The following MMP16 variants were observed in gnomAD, a reference collection of about 807,000 sequenced individuals.
The protein encoded by MMP16 is matrix metalloproteinase-16.
A neutral mutation model predicts 67.8 loss-of-function variants in MMP16; 12 were observed. The ratio of observed to expected loss-of-function variants is 0.18; its 90% CI spans 0.11 to 0.29. The LOEUF is 0.29. MMP16 is among the 10% of genes least tolerant of loss of function. The pLI is 1.00. For synonymous variants in MMP16, 249 were observed against 255.9 expected (o/e 0.97, Z 0.26); for missense variants, 475 against 765.7 (o/e 0.62, Z 4.48).
chr8:88,168,045 A>C, intron 3 of MMP16, 72 bp from the exon 4 acceptor site: 3 of 1,147,918 alleles, frequency 2.6e-6, no homozygotes, highest in Non-Finnish European at 1.2e-6. Flanking sequence ...TGATCGATTC[A>C]GTTAAGTAAA....
At chr8:88,303,182 C>T (rs548647497) in intron 1 of MMP16, among the ~76,000 whole-genome samples, 68 of 152,282 alleles carry the variant, frequency 4.5e-4, no homozygotes, top group Non-Finnish European at 7.9e-4. Flanking sequence ...TACATACACC[C>T]GGGGGCGGGG....
rs1809153258 is a variant in MMP16 at position 88,190,472 on chromosome 8, G to A, written c.282-3874C>T. Among the ~76,000 whole-genome samples, 3 of 152,220 alleles carry A rather than the reference G, an allele frequency of 2.0e-5. No homozygotes were observed. In the South Asian group the frequency reaches 6.2e-4, roughly 32 times the overall value. ...TATAAAGAATGCTCAGTGTTTAACAGGACTCATCAATGCATGAAATGTTGT... is the reference window on the plus strand; with the variant it reads ...TATAAAGAATGCTCAGTGTTTAACAAGACTCATCAATGCATGAAATGTTGT... On this transcript the variant is annotated intron_variant, in intron 2 of 9. Coordinates refer to ENST00000286614, the MANE Select transcript of MMP16 (RefSeq NM_005941.5).
chr8:88,248,479 A>G (rs1271439040), intron 1 of MMP16, among the ~76,000 whole-genome samples: 1 of 152,116 alleles, frequency 6.6e-6, no homozygotes, highest in Non-Finnish European at 1.5e-5. Flanking sequence ...AAAGTTTAAG[A>G]GATGTAGAGG....
At chr8:88,241,510 G>A (rs1810033991) in intron 1 of MMP16, among the ~76,000 whole-genome samples, 1 of 151,900 alleles carries the variant, frequency 6.6e-6, no homozygotes, top group African/African-American at 2.4e-5. Flanking sequence ...TGGTAAAAAA[G>A]GGAAGAAAAG....
Position 88,037,312 on chromosome 8 carries a change from T to C in MMP16, c.*4149A>G, listed in dbSNP as rs1459298986. 6.6e-6 allele frequency: 1 copy of C among 151,636 alleles called. No homozygotes were observed. Among genetic ancestry groups the C allele is most frequent in the Non-Finnish European group, 1.5e-5 (1 of 67,770 alleles). The allele number at this position is 151,636 out of a possible 1,614,324, so 9.4% of individuals were successfully genotyped here. ...CACAGTATATGAAATGGCCAAATTA[T>C]GTGTTAACAAAAAAAGATTATAGGT... On this transcript the variant is annotated 3_prime_UTR_variant, in exon 10 of 10. Coordinates refer to ENST00000286614, the MANE Select transcript of MMP16 (RefSeq NM_005941.5).
chr8:88,230,590 T>C (rs1809843221), intron 1 of MMP16, among the ~76,000 whole-genome samples: 1 of 151,458 alleles, frequency 6.6e-6, no homozygotes, highest in African/African-American at 2.4e-5. Flanking sequence ...AAAAAATAAG[T>C]CTCCCCATAC....
intron 1 of MMP16, among the ~76,000 whole-genome samples, chr8:88,262,334 A>G (rs570539626): frequency 1.1e-4 from 17 of 152,322 alleles, no homozygotes; most frequent in Non-Finnish European, 1.6e-4. Flanking sequence ...TTTGTATTTG[A>G]TTTGATTCTC....
At chr8:88,052,461 T>C (rs533338618) in intron 8 of MMP16, among the ~76,000 whole-genome samples, 20 of 152,212 alleles carry the variant, frequency 1.3e-4, no homozygotes, top group Admixed American at 1.3e-3. Flanking sequence ...CTGCACTCCT[T>C]CAATGGTCTC....
At chr8:88,296,651 T>C (rs1226250828) in intron 1 of MMP16, among the ~76,000 whole-genome samples, 1 of 151,872 alleles carries the variant, frequency 6.6e-6, no homozygotes, top group African/African-American at 2.4e-5. Flanking sequence ...CTGGGAAACA[T>C]GGCAAAACCC....
chr8:88,273,480 C>A (rs1810598977), intron 1 of MMP16, among the ~76,000 whole-genome samples: 2 of 152,072 alleles, frequency 1.3e-5, no homozygotes, highest in Non-Finnish European at 2.9e-5. Context: ...TAATCTTGCA[C>A]AGAGTGATAT....
intron 1 of MMP16, among the ~76,000 whole-genome samples, chr8:88,297,668 G>A (rs1811034075): frequency 6.6e-6 from 1 of 152,202 alleles, no homozygotes; most frequent in African/African-American, 2.4e-5. Flanking sequence ...AGTATCACAA[G>A]TGTGCTCTAG....
chr8:88,313,407 A>G (rs1811327601), intron 1 of MMP16, among the ~76,000 whole-genome samples: 1 of 151,904 alleles, frequency 6.6e-6, no homozygotes, highest in Admixed American at 6.6e-5. Context: ...TTTTCCTTGT[A>G]TTATTTCTGA....
At chr8:88,264,134 G>A (rs1186452039) in intron 1 of MMP16, among the ~76,000 whole-genome samples, 2 of 150,992 alleles carry the variant, frequency 1.3e-5, no homozygotes, top group African/African-American at 4.9e-5. Flanking sequence ...CTAGACATAG[G>A]AAAGAAGTCA....
At chr8:88,077,902 G>C (rs1002530115) in intron 6 of MMP16, among the ~76,000 whole-genome samples, 1 of 151,964 alleles carries the variant, frequency 6.6e-6, no homozygotes, top group Non-Finnish European at 1.5e-5. Context: ...GAACCATAAA[G>C]AAAAAAATAC....
intron 6 of MMP16, among the ~76,000 whole-genome samples, chr8:88,081,896 AGC>A (rs1328417859): frequency 2.6e-4 from 39 of 152,260 alleles, no homozygotes; most frequent in African/African-American, 9.1e-4. Flanking sequence ...TGTATACAGT[AGC>A]TGTTTTTCTT....
intron 5 of MMP16, among the ~76,000 whole-genome samples, 166 bp from the exon 6 acceptor site, chr8:88,116,884 A>C (rs1470057048): frequency 6.6e-6 from 1 of 152,064 alleles, no homozygotes; most frequent in South Asian, 2.1e-4. Context: ...TTACCCAAAA[A>C]AGCATTGCCA....
chr8:88,198,480 T>G (rs1380066379), intron 1 of MMP16, among the ~76,000 whole-genome samples: 1 of 152,180 alleles, frequency 6.6e-6, no homozygotes, highest in Non-Finnish European at 1.5e-5. Flanking sequence ...AATTGTAGTT[T>G]TTCCCAAATA....
chr8:88,192,806 A>C (rs1258279242), intron 2 of MMP16, among the ~76,000 whole-genome samples: 2 of 152,160 alleles, frequency 1.3e-5, no homozygotes, highest in Non-Finnish European at 2.9e-5. Flanking sequence ...AAATCTACTT[A>C]TTCAACCTTA....
At chr8:88,122,937 T>C (rs28907623) in intron 4 of MMP16, among the ~76,000 whole-genome samples, 665 of 145,548 alleles carry the variant, frequency 4.6e-3, no homozygotes, top group African/African-American at 0.016. Context: ...TCTACAGCCA[T>C]ATGAGTTAGC....
Sources: allele counts gnomAD v4.1 joint callset (sites outside exome capture counted in the v4.1 genomes callset), GRCh38; gene constraint gnomAD v4.1.1; transcripts MANE v1.5; gene names NCBI Gene and HGNC (gene_info 2026-07-23, HGNC 2026-07-21).